The following RGS6 variants were observed in gnomAD, a reference collection of about 807,000 sequenced individuals.
RGS6 encodes regulator of G protein signaling 6.
Under a neutral mutation model 78.5 loss-of-function variants are expected in RGS6, and 30 were observed. That is an observed-to-expected ratio of 0.38 (90% confidence interval 0.29 to 0.52). RGS6 has a LOEUF of 0.52. Among genes scored for constraint, RGS6 ranks in the 20% least tolerant of loss-of-function variants. The pLI is 0.85. For synonymous variants in RGS6, 206 were observed against 206.0 expected, an observed-to-expected ratio of 1.00 and a Z score of 0.00; for missense variants, 495 against 609.7, an observed-to-expected ratio of 0.81 and a Z score of 1.98.
chr14:72,088,620 T>A (rs1422772957), intron 2 of RGS6, among the ~76,000 whole-genome samples: 1 of 152,092 alleles, frequency 6.6e-6, no homozygotes, highest in Non-Finnish European at 1.5e-5. Flanking sequence ...CCAGCCACTT[T>A]CTGTCCTCTG....
the RGS6 span, among the ~76,000 whole-genome samples, chr14:72,573,960 A>G: frequency 6.6e-6 from 1 of 152,260 alleles, no homozygotes; most frequent in Admixed American, 6.5e-5. Flanking sequence ...GCATCAAGCC[A>G]GAAACAAAGG....
intron 2 of RGS6, among the ~76,000 whole-genome samples, chr14:72,260,609 T>C (rs2153884129): frequency 6.6e-6 from 1 of 152,270 alleles, no homozygotes; most frequent in African/African-American, 2.4e-5. Context: ...ATGAGTGCTC[T>C]TACCCTTTCC....
intron 1 of RGS6, among the ~76,000 whole-genome samples, chr14:71,951,775 G>A (rs2092342110): frequency 6.6e-6 from 1 of 152,006 alleles, no homozygotes; most frequent in Non-Finnish European, 1.5e-5. Context: ...TCTCACGTCT[G>A]TCAGCATTTT....
chr14:72,472,824 A>G, intron 8 of RGS6, 48 bp from the exon 9 acceptor site: 1 of 1,417,582 alleles, frequency 7.1e-7, no homozygotes, highest in Non-Finnish European at 9.8e-7. Flanking sequence ...TCAGAAGGGA[A>G]AACAGAATAC....
At chr14:72,296,026 C>A (rs1300910131) in intron 2 of RGS6, among the ~76,000 whole-genome samples, 1 of 152,202 alleles carries the variant, frequency 6.6e-6, no homozygotes, top group Non-Finnish European at 1.5e-5. Flanking sequence ...CCCAATAAAT[C>A]TTTCCCACCC....
At chr14:71,878,774 T>G in the RGS6 span, among the ~76,000 whole-genome samples, 1 of 152,328 alleles carries the variant, frequency 6.6e-6, no homozygotes, top group East Asian at 1.9e-4. Context: ...TCTGCATCAC[T>G]CACGCTGGGA....
chr14:72,540,389 C>A, intron 17 of RGS6: 2 of 1,457,140 alleles, frequency 1.4e-6, no homozygotes. Context: ...AGGGACCCTG[C>A]TGCCCTCGGG....
chr14:72,176,409 G>A (rs755311745), intron 2 of RGS6, among the ~76,000 whole-genome samples: 2 of 152,190 alleles, frequency 1.3e-5, no homozygotes, highest in African/African-American at 2.4e-5. Context: ...ACTTGCTGTG[G>A]TGCCTTCAGA....
At chr14:72,322,007 A>G (rs953739221) in intron 2 of RGS6, among the ~76,000 whole-genome samples, 1 of 152,046 alleles carries the variant, frequency 6.6e-6, no homozygotes, top group Non-Finnish European at 1.5e-5. Context: ...AATGTATAGA[A>G]TATTTAAAAT....
At chr14:72,486,386 C>T (rs2096488730) in intron 12 of RGS6, among the ~76,000 whole-genome samples, 1 of 152,106 alleles carries the variant, frequency 6.6e-6, no homozygotes, top group African/African-American at 2.4e-5. Flanking sequence ...TGGCCAGGAG[C>T]AGGGCTTATA....
intron 2 of RGS6, among the ~76,000 whole-genome samples, chr14:72,090,277 C>T (rs1010766149): frequency 6.6e-6 from 1 of 152,138 alleles, no homozygotes; most frequent in African/African-American, 2.4e-5. Flanking sequence ...TTCTAACCCC[C>T]AGGCCATGGA....
At chr14:72,032,683 CAT>C (rs1489129802) in intron 2 of RGS6, among the ~76,000 whole-genome samples, 1 of 152,114 alleles carries the variant, frequency 6.6e-6, no homozygotes, top group Non-Finnish European at 1.5e-5. Context: ...AAGTATACCT[CAT>C]ATAACTAGAC....
intron 2 of RGS6, among the ~76,000 whole-genome samples, chr14:72,165,669 T>C (rs2096915065): frequency 6.6e-6 from 1 of 152,210 alleles, no homozygotes; most frequent in Non-Finnish European, 1.5e-5. Context: ...TCTGAAAATA[T>C]TGCTGAAAAG....
At chr14:72,557,866 C>T (rs1209358897) in intron 17 of RGS6, among the ~76,000 whole-genome samples, 1 of 152,192 alleles carries the variant, frequency 6.6e-6, no homozygotes, top group Non-Finnish European at 1.5e-5. Flanking sequence ...CCAGGTTCCT[C>T]CTGTACTGGA....
At chr14:72,587,570 C>T in the RGS6 span, among the ~76,000 whole-genome samples, 2 of 152,072 alleles carry the variant, frequency 1.3e-5, no homozygotes, top group African/African-American at 4.8e-5. Flanking sequence ...AATTAATATA[C>T]CCACTTACAA....
chr14:72,482,817 C>T lies in RGS6; in HGVS notation c.854+4488C>T, dbSNP rs2096408495. Among the ~76,000 whole-genome samples the T allele has an allele frequency of 2.6e-5, 4 of 152,216 alleles. No individual in the cohort carries two copies. In the South Asian group the frequency reaches 8.3e-4, roughly 32 times the overall value. On this transcript the variant is annotated intron_variant, in intron 12 of 17. Coordinates refer to ENST00000553525, the MANE Select transcript of RGS6 (RefSeq NM_001204424.2). ...GGCTAAAACAAGTCACTAAGCTGGA[C>T]TAGATTCAAGGGCAGAAGAAATAGA...
intron 2 of RGS6, among the ~76,000 whole-genome samples, chr14:72,248,447 A>G (rs2054794539): frequency 6.6e-6 from 1 of 152,198 alleles, no homozygotes; most frequent in South Asian, 2.1e-4. Flanking sequence ...CAATTCATAA[A>G]CACATATTTT....
intron 2 of RGS6, among the ~76,000 whole-genome samples, chr14:72,008,574 C>T (rs1037766489): frequency 5.9e-5 from 9 of 152,212 alleles, no homozygotes; most frequent in African/African-American, 2.2e-4. Context: ...TGGTATGTCG[C>T]TCTCAATATT....
intron 3 of RGS6, among the ~76,000 whole-genome samples, chr14:72,370,839 T>C (rs1021913241): frequency 6.6e-6 from 1 of 152,230 alleles, no homozygotes; most frequent in African/African-American, 2.4e-5. Context: ...AGCTTTCCTT[T>C]TCCTTTTTCC....
Sources: gnomAD v4.1 joint callset for allele counts (sites outside exome capture counted in the v4.1 genomes callset) on GRCh38, gnomAD v4.1.1 for gene constraint, MANE v1.5 for transcripts, NCBI Gene and HGNC (gene_info 2026-07-23, HGNC 2026-07-21) for gene names.